DST: variants seen among roughly 807,000 people sequenced by gnomAD.
DST encodes bullous pemphigoid antigen.
DST carries 253 observed loss-of-function variants against 875.2 expected under a neutral mutation model. The observed-to-expected ratio is 0.29, with a 90% CI of 0.26 to 0.32. DST has a LOEUF of 0.32. Ranked by LOEUF, DST falls within the 10% of genes least tolerant of loss-of-function variation. DST has a pLI of 1.00. For missense variants in DST, 8,287 were observed against 9,111.6 expected, an observed-to-expected ratio of 0.91 and a Z score of 3.68; for synonymous variants, 3,124 against 3,197.1, an observed-to-expected ratio of 0.98 and a Z score of 0.77.
At position 56,769,363 on chromosome 6, in the gene DST, C is replaced by T. The variant is rs1356572273; in HGVS notation, c.626-34074G>A. ...ATGGTGGAAATGCAAAACAATACAG[C>T]TACTTTGAGTTGTTTCTTACAAAGC... On this transcript the variant is annotated intron_variant, in intron 4 of 103. Transcript: ENST00000680361. Among the ~76,000 whole-genome samples the T allele has an allele frequency of 3.3e-5, 5 of 152,278 alleles. No individual in the cohort carries two copies. In the East Asian group the frequency reaches 9.6e-4, roughly 29 times the overall value.
chr6:56,702,320 C>T (rs531719048), intron 7 of DST, among the ~76,000 whole-genome samples: 2 of 151,972 alleles, frequency 1.3e-5, no homozygotes, highest in South Asian at 4.1e-4. Context: ...AATTAAATAT[C>T]ATTCATCATT....
At position 56,656,073 on chromosome 6, in the gene DST, C is replaced by T. The variant is rs532730029; in HGVS notation, c.1215-4829G>A. On this transcript the variant is annotated intron_variant, in intron 10 of 103. Coordinates refer to ENST00000680361, the MANE Select transcript of DST (RefSeq NM_001374736.1). Reference sequence around the variant, plus strand: ...TGTTTCAAATTCCTGGAGATATGTTCCATCCTAGGCTTGTTCCTTTTCTTT... The same window carrying T: ...TGTTTCAAATTCCTGGAGATATGTTTCATCCTAGGCTTGTTCCTTTTCTTT... Among the ~76,000 whole-genome samples, 3 of 152,296 alleles carry T rather than the reference C, an allele frequency of 2.0e-5. No homozygotes were observed. The South Asian group carries it at 6.2e-4, about 32-fold the overall frequency.
intron 3 of DST, among the ~76,000 whole-genome samples, chr6:56,876,733 A>C (rs1223098016): frequency 6.6e-6 from 1 of 152,170 alleles, no homozygotes; most frequent in Non-Finnish European, 1.5e-5. Flanking sequence ...TCTAACATCA[A>C]CTGGGTTCTC....
chr6:56,904,483 G>A (rs931458921), intron 2 of DST, among the ~76,000 whole-genome samples: 4 of 152,086 alleles, frequency 2.6e-5, no homozygotes, highest in African/African-American at 9.7e-5. Context: ...TCCACATTAC[G>A]TACTCAGAAC....
intron 13 of DST, among the ~76,000 whole-genome samples, chr6:56,647,372 T>C (rs1182890749): frequency 6.6e-6 from 1 of 152,192 alleles, no homozygotes; most frequent in African/African-American, 2.4e-5. Context: ...TATCATCAGA[T>C]GCCAAGTAAT....
At chr6:56,569,045 G>A (rs942450776) in intron 54 of DST, among the ~76,000 whole-genome samples, 96 of 151,910 alleles carry the variant, frequency 6.3e-4, no homozygotes, top group African/African-American at 2.1e-3. Flanking sequence ...ACACACGGTC[G>A]GGCGAGGTGG....
intron 4 of DST, among the ~76,000 whole-genome samples, chr6:56,813,547 C>T (rs1481776827): frequency 6.6e-6 from 1 of 151,894 alleles, no homozygotes; most frequent in Admixed American, 6.6e-5. Context: ...TTTTACCTAC[C>T]AACAGTTATT....
Position 56,777,042 on chromosome 6 carries a change from A to T in DST, c.626-41753T>A, listed in dbSNP as rs559159636. Among the ~76,000 whole-genome samples, 7 of 152,284 alleles carry T rather than the reference A, an allele frequency of 4.6e-5. No homozygotes were observed. In the South Asian group the frequency reaches 1.4e-3, roughly 32 times the overall value. On this transcript the variant is annotated intron_variant, in intron 4 of 103. Coordinates refer to ENST00000680361, the MANE Select transcript of DST (RefSeq NM_001374736.1). ...CTAACATGGTCCATTATGTTTTATAAATTGGCTAGAAATTAAGAATGAATA... is the reference window on the plus strand; with the variant it reads ...CTAACATGGTCCATTATGTTTTATATATTGGCTAGAAATTAAGAATGAATA...
chr6:56,651,368 G>A (rs2098974791), intron 10 of DST, 124 bp from the exon 11 acceptor site: 4 of 559,774 alleles, frequency 7.1e-6, no homozygotes, highest in Non-Finnish European at 1.2e-5. Flanking sequence ...GCGTTAAAAT[G>A]CAGAGACTTT....
intron 68 of DST, 111 bp downstream of exon 68, chr6:56,527,382 G>C: frequency 7.4e-7 from 1 of 1,360,106 alleles, no homozygotes; most frequent in South Asian, 1.5e-5. Context: ...CACCCACCAA[G>C]GCATCCTTCA....
rs2096805994 is a variant in DST, at chr6:56,526,751, A to C, written c.17923-184T>G. 2.6e-5 allele frequency among the ~76,000 whole-genome samples: 4 copies of C among 152,036 alleles called. No homozygotes were observed. In the South Asian group the frequency reaches 8.3e-4, roughly 31 times the overall value. On this transcript the variant is annotated intron_variant, in intron 68 of 103. Transcript: ENST00000680361. ...CTAAAGCTATTTTGCAAAAAGAAAA[A>C]TGTTTCCTGAGAAGTTCAAAGAACA...
At chr6:56,619,238 T>C in intron 36 of DST, 1 of 1,613,524 alleles carries the variant, frequency 6.2e-7, no homozygotes, top group Non-Finnish European at 8.5e-7. Flanking sequence ...TAAAACTATA[T>C]TCTCTGATTC....
At chr6:56,548,045 C>T (rs2097258259) in intron 61 of DST, among the ~76,000 whole-genome samples, 1 of 152,122 alleles carries the variant, frequency 6.6e-6, no homozygotes, top group African/African-American at 2.4e-5. Context: ...AAACTGTAAG[C>T]AGGTTCTGAG....
chr6:56,642,371 C>A, intron 16 of DST, 39 bp downstream of exon 16: 1 of 1,407,312 alleles, frequency 7.1e-7, no homozygotes, highest in Non-Finnish European at 1.0e-6. Flanking sequence ...CACAGTGACT[C>A]CTCTACCACA....
rs370134977 is a variant in DST at position 56,639,367 on chromosome 6, C to G, written c.2860-4G>C. The stretch of plus-strand genomic sequence containing the variant: ...GATCAAGTTCTCTCATTAATTCCTT[C>G]AAGAAATAATTAAGAAGTGTGTTAG... On this transcript the variant is annotated splice_region_variant and splice_polypyrimidine_tract_variant and intron_variant, in intron 21 of 103. Transcript: ENST00000680361. The G allele has an allele frequency of 9.9e-5, 159 of 1,612,196 alleles. No individual in the cohort carries two copies. Among genetic ancestry groups the G allele is most frequent in the Non-Finnish European group, 1.2e-4 (147 of 1,178,856 alleles).
rs550865908 is a variant in DST, at chr6:56,631,670, T to C, written c.3963+213A>G. 3.9e-5 allele frequency among the ~76,000 whole-genome samples: 6 copies of C among 152,288 alleles called. No homozygotes were observed. In the East Asian group the frequency reaches 1.2e-3, roughly 29 times the overall value. ...CAAGTCCTTATATCCTTCATCACAA[T>C]GAAGGTGAGCGTGTACATATTCTCA... On this transcript the variant is annotated intron_variant, in intron 29 of 103. Coordinates refer to ENST00000680361, the MANE Select transcript of DST (RefSeq NM_001374736.1).
At chr6:56,851,796 C>A (rs1334235783) in intron 3 of DST, 192 bp from the exon 4 acceptor site, 1 of 1,551,578 alleles carries the variant, frequency 6.4e-7, no homozygotes, top group Non-Finnish European at 8.7e-7. Context: ...ACCATCTTTT[C>A]TTGGCCAAGT....
intron 49 of DST, among the ~76,000 whole-genome samples, chr6:56,591,007 C>A (rs2098263259): frequency 6.6e-6 from 1 of 152,208 alleles, no homozygotes; most frequent in Non-Finnish European, 1.5e-5. Flanking sequence ...ATGCAATTAA[C>A]TTCTGAAAGA....
At chr6:56,645,471 G>A (rs2098936955) in intron 15 of DST, among the ~76,000 whole-genome samples, 1 of 152,046 alleles carries the variant, frequency 6.6e-6, no homozygotes, top group Non-Finnish European at 1.5e-5. Flanking sequence ...GCTAGATTTT[G>A]GTTTCCAATG....
Sources: allele counts gnomAD v4.1 joint callset (sites outside exome capture counted in the v4.1 genomes callset), GRCh38; gene constraint gnomAD v4.1.1; transcripts MANE v1.5; gene names NCBI Gene and HGNC (gene_info 2026-07-23, HGNC 2026-07-21).